Variants in NSUN6 observed in about 807,000 individuals in gnomAD.
The protein encoded by NSUN6 is tRNA (cytosine(72)-C(5))-methyltransferase NSUN6.
NSUN6 carries 64 observed loss-of-function variants against 58.0 expected under a neutral mutation model. That is an observed-to-expected ratio of 1.10 (90% confidence interval 0.90 to 1.36). NSUN6 has a LOEUF of 1.36. Among genes scored for constraint, NSUN6 ranks in the 40% most tolerant of loss-of-function variants. NSUN6 has a pLI of 0.00. For missense variants in NSUN6, 701 were observed against 550.1 expected (o/e 1.27, Z -2.74); for synonymous variants, 231 against 193.9 (o/e 1.19, Z -1.59).
At chr10:18,604,509 A>C (rs919035673) in intron 6 of NSUN6, among the ~76,000 whole-genome samples, 1 of 152,122 alleles carries the variant, frequency 6.6e-6, no homozygotes, top group African/African-American at 2.4e-5. Flanking sequence ...GAAATACAGA[A>C]TCGCAGAATC....
chr10:18,610,984 A>T (rs1264228620), intron 5 of NSUN6, among the ~76,000 whole-genome samples: 1 of 152,178 alleles, frequency 6.6e-6, no homozygotes, highest in African/African-American at 2.4e-5. Context: ...CAGGAGGATC[A>T]CTTGAGGTCA....
At chr10:18,628,762 A>C (rs2058920675) in intron 3 of NSUN6, among the ~76,000 whole-genome samples, 1 of 152,184 alleles carries the variant, frequency 6.6e-6, no homozygotes, top group South Asian at 2.1e-4. Context: ...ATGTGAAAAG[A>C]CCAAATCTAC....
Position 18,613,487 on chromosome 10 carries a change from C to A in NSUN6, c.575+973G>T, listed in dbSNP as rs185574189. On this transcript the variant is annotated intron_variant, in intron 5 of 10. Coordinates refer to ENST00000377304, the MANE Select transcript of NSUN6 (RefSeq NM_182543.5). ...CAGAAAACATTATTCAGCACGATAA[C>A]TGGAACAACATCAAATAACCTAAAA... 4.7e-3 allele frequency among the ~76,000 whole-genome samples: 723 copies of A among 152,254 alleles called. 3 individuals carry two copies. Among genetic ancestry groups the A allele is most frequent in the African/African-American group, 0.014 (600 of 41,540 alleles).
intron 6 of NSUN6, among the ~76,000 whole-genome samples, chr10:18,598,777 T>G (rs1014654155): frequency 6.6e-6 from 1 of 152,168 alleles, no homozygotes; most frequent in African/African-American, 2.4e-5. Flanking sequence ...CAAGTTTTAT[T>G]TATTACAAAA....
chr10:18,558,705 TGGAATTGAA>T lies in NSUN6; in HGVS notation c.923-6743_923-6735del, dbSNP rs1589846797. On this transcript the variant is annotated intron_variant, in intron 8 of 10. Coordinates refer to ENST00000377304, the MANE Select transcript of NSUN6 (RefSeq NM_182543.5). ...GAATGGAATGGAATGGCGGAAGGAA[TGGAATTGAA>T]AGTGGAATGAAATGGAATGGAGGAT... 5.8e-5 allele frequency among the ~76,000 whole-genome samples: 8 copies of T among 138,748 alleles called. No individual in the cohort carries two copies. In the East Asian group the frequency reaches 9.6e-4, roughly 17 times the overall value. 91.0% of individuals were successfully genotyped at this position (138,748 alleles called of 152,430 possible).
chr10:18,551,093 T>C (rs1589815051), intron 9 of NSUN6, among the ~76,000 whole-genome samples: 1 of 152,282 alleles, frequency 6.6e-6, no homozygotes, highest in African/African-American at 2.4e-5. Flanking sequence ...AATTAGTAAC[T>C]ACAAGTTAAC....
At chr10:18,602,336 C>T (rs1270244983) in intron 6 of NSUN6, among the ~76,000 whole-genome samples, 1 of 151,834 alleles carries the variant, frequency 6.6e-6, no homozygotes, top group Admixed American at 6.6e-5. Flanking sequence ...CTCCGTCTCC[C>T]AGGTTCATGC....
At chr10:18,560,882 G>T (rs1361755590) in intron 8 of NSUN6, among the ~76,000 whole-genome samples, 1 of 149,240 alleles carries the variant, frequency 6.7e-6, no homozygotes, top group East Asian at 2.0e-4. Context: ...AATGGAGAAT[G>T]GAATGGAATG....
At chr10:18,566,632 C>T (rs1216462140) in intron 8 of NSUN6, among the ~76,000 whole-genome samples, 1 of 151,472 alleles carries the variant, frequency 6.6e-6, no homozygotes, top group African/African-American at 2.4e-5. Context: ...CCATTCTATT[C>T]CATTCCATTT....
upstream of NSUN6, chr10:18,654,642 G>T (rs1343011711): frequency 6.6e-6 from 1 of 152,298 alleles, no homozygotes; most frequent in Non-Finnish European, 1.5e-5. Context: ...CAACACTTTG[G>T]GAGGCTGAGG....
intron 7 of NSUN6, among the ~76,000 whole-genome samples, chr10:18,593,230 T>C (rs1314917861): frequency 1.3e-5 from 2 of 152,090 alleles, no homozygotes; most frequent in African/African-American, 2.4e-5. Flanking sequence ...TGTGGAGAAA[T>C]AGGAGAAATA....
rs181937295 is a variant in NSUN6 at position 18,551,816 on chromosome 10, C to G, written c.1071+7G>C. ...ACTTTGTTTCACAAAAACAGACCAC[C>G]ACATACTGCAGTGAAGAGTTTTCGC... is the stretch of plus-strand genomic sequence containing the variant. On this transcript the variant is annotated splice_region_variant and intron_variant, in intron 9 of 10. Coordinates refer to ENST00000377304, the MANE Select transcript of NSUN6 (RefSeq NM_182543.5). 4.6e-5 allele frequency: 74 copies of G among 1,608,504 alleles called. No homozygotes were observed. The Admixed American group carries it at 1.0e-3, about 22-fold the overall frequency.
chr10:18,546,476 A>G (rs1399798999), intron 10 of NSUN6, among the ~76,000 whole-genome samples: 1 of 152,200 alleles, frequency 6.6e-6, no homozygotes, highest in Non-Finnish European at 1.5e-5. Context: ...GACTTTAGGT[A>G]ATGTTAACTA....
Position 18,614,478 on chromosome 10 carries a change from C to A in NSUN6, c.557G>T (p.Ser186Ile), listed in dbSNP as rs1294594148. ...ISELSRKEIF[S>I]GLPELKGMGI... ...GACATACTTCAGTTCAGGTAATCCA[C>A]TGAAGATTTCTTTGCGGCTTAGTTC... Residue 186 changes from serine (S) to isoleucine (I), a missense_variant, in exon 5 of 11, where the codon AGT becomes ATT. Ser to Ile is a moderately radical substitution (Grantham distance 142, BLOSUM62 -2). Coordinates refer to ENST00000377304, the MANE Select transcript of NSUN6 (RefSeq NM_182543.5). The A allele has an allele frequency of 4.5e-6, 7 of 1,550,008 alleles. No individual in the cohort carries two copies. The highest frequency in any genetic ancestry group is 3.4e-4 in the Middle Eastern group (2 of 5,880).
intron 8 of NSUN6, among the ~76,000 whole-genome samples, chr10:18,568,168 A>T (rs534349697): frequency 6.9e-6 from 1 of 145,744 alleles, no homozygotes; most frequent in African/African-American, 2.5e-5. Flanking sequence ...CCATTCCATT[A>T]TCCATTCTAT....
At position 18,648,637 on chromosome 10, in the gene NSUN6, A is replaced by C; in HGVS notation, c.84T>G (p.Thr28=). 1.3e-6 allele frequency: 2 copies of C among 1,562,126 alleles called. No individual in the cohort carries two copies. Among genetic ancestry groups the C allele is most frequent in the South Asian group, 2.3e-5 (2 of 88,216 alleles). The change falls in exon 2 of 11, where the codon ACT becomes ACG. Residue 28 remains threonine (T), a synonymous_variant. Coordinates refer to ENST00000377304, the MANE Select transcript of NSUN6 (RefSeq NM_182543.5). ...KEGFMNKEIV[T]ALGKQEAERK... ...TTTCTGCTTCTTGTTTACCTAAAGCAGTCACAATCTAAAAAGAAGTTCATG... is the reference window on the plus strand; with the variant it reads ...TTTCTGCTTCTTGTTTACCTAAAGCCGTCACAATCTAAAAAGAAGTTCATG...
chr10:18,659,096 G>T (rs61839371), upstream of NSUN6: 3,924 of 153,474 alleles, frequency 0.026, 66 homozygotes, highest in South Asian at 0.046. Flanking sequence ...GCTGCTAGCA[G>T]CAGAGACTCA....
chr10:18,613,637 A>G (rs533571535), intron 5 of NSUN6, among the ~76,000 whole-genome samples: 158 of 152,328 alleles, frequency 1.0e-3, no homozygotes, highest in African/African-American at 3.6e-3. Flanking sequence ...GAAGCCTTCT[A>G]AAAAGAATAA....
At position 18,546,137 on chromosome 10, in the gene NSUN6, C is replaced by T; in HGVS notation, c.1206G>A (p.Gln402=). 1 of 1,611,142 alleles carries T rather than the reference C, an allele frequency of 6.2e-7. No individual in the cohort carries two copies. The highest frequency in any genetic ancestry group is 8.5e-7 in the Non-Finnish European group (1 of 1,177,350). The change falls in exon 11 of 11, where the codon CAG becomes CAA. Residue 402 remains glutamine (Q), a synonymous_variant. Transcript: ENST00000377304. ...CTCCCCTCATTCCTTCTCCTCCAATCTGCGGTTCCTGTTTGGAGAAAGTGG... is the reference window on the plus strand; with the variant it reads ...CTCCCCTCATTCCTTCTCCTCCAATTTGCGGTTCCTGTTTGGAGAAAGTGG... ...PCLQLQPQEP[Q]IGGEGMRGAG...
Sources: allele counts gnomAD v4.1 joint callset (sites outside exome capture counted in the v4.1 genomes callset), GRCh38; gene constraint gnomAD v4.1.1; transcripts MANE v1.5; gene names NCBI Gene and HGNC (gene_info 2026-07-23, HGNC 2026-07-21).